Variants in CSMD1 observed in about 807,000 individuals in gnomAD.
CSMD1 encodes the protein CUB and Sushi multiple domains 1, also known as CUB and sushi domain-containing protein 1.
A neutral mutation model predicts 417.5 loss-of-function variants in CSMD1; 213 were observed. The observed-to-expected ratio is 0.51, with a 90% CI of 0.46 to 0.57. The LOEUF (loss-of-function observed/expected upper bound fraction) is 0.57. CSMD1 is among the 20% of genes least tolerant of loss of function. The probability of loss-of-function intolerance (pLI) is 0.00; values close to 1 mark genes in which losing one functional copy is unlikely to be tolerated. For missense variants in CSMD1, 6,923 were observed against 4,529.7 expected, an observed-to-expected ratio of 1.53 and a Z score of -15.17; for synonymous variants, 2,862 against 1,736.8, an observed-to-expected ratio of 1.65 and a Z score of -16.11.
At chr8:4,444,240 G>A (rs988564056) in intron 2 of CSMD1, among the ~76,000 whole-genome samples, 76 of 151,108 alleles carry the variant, frequency 5.0e-4, no homozygotes, top group African/African-American at 1.4e-3. Context: ...TACTCGGGAG[G>A]CTGAGGCAGG....
intron 10 of CSMD1, among the ~76,000 whole-genome samples, chr8:3,567,466 A>G (rs62475838): frequency 0.15 from 22,147 of 150,930 alleles, 1,970 homozygotes; most frequent in Non-Finnish European, 0.2. Context: ...GAAGACATAA[A>G]AAGTAAATAA....
At chr8:4,428,734 T>G (rs1797702735) in intron 2 of CSMD1, among the ~76,000 whole-genome samples, 1 of 152,146 alleles carries the variant, frequency 6.6e-6, no homozygotes, top group African/African-American at 2.4e-5. Flanking sequence ...TTTATTTATT[T>G]ATTGAGAAGG....
chr8:2,960,172 C>A (rs575435626), intron 62 of CSMD1, among the ~76,000 whole-genome samples: 19 of 152,300 alleles, frequency 1.2e-4, no homozygotes, highest in Admixed American at 1.1e-3. Context: ...TATTCCTTGA[C>A]AATTTGGCAT....
chr8:3,495,579 G>A (rs1321746567), intron 10 of CSMD1, among the ~76,000 whole-genome samples: 1 of 152,204 alleles, frequency 6.6e-6, no homozygotes, highest in Non-Finnish European at 1.5e-5. Flanking sequence ...CGCTGCTGAT[G>A]CTCAGTAAAA....
chr8:4,160,014 C>T (rs191021316), intron 3 of CSMD1, among the ~76,000 whole-genome samples: 4 of 151,260 alleles, frequency 2.6e-5, no homozygotes, highest in Admixed American at 2.6e-4. Flanking sequence ...GATGGGTGCA[C>T]CAAAATTTCA....
intron 3 of CSMD1, among the ~76,000 whole-genome samples, chr8:4,106,643 G>A (rs550585587): frequency 6.6e-6 from 1 of 152,298 alleles, no homozygotes; most frequent in South Asian, 2.1e-4. Context: ...ATGTGATGTT[G>A]ATAGGTATTC....
intron 65 of CSMD1, among the ~76,000 whole-genome samples, chr8:2,953,544 AAAC>A (rs758422408): frequency 3.9e-5 from 6 of 152,124 alleles, no homozygotes; most frequent in Non-Finnish European, 7.4e-5. Context: ...GTTTCTGATA[AAAC>A]AACAACAAAA....
At chr8:4,292,668 G>A (rs1360593859) in intron 3 of CSMD1, among the ~76,000 whole-genome samples, 2 of 152,022 alleles carry the variant, frequency 1.3e-5, no homozygotes, top group East Asian at 3.9e-4. Context: ...TTCTATACAT[G>A]AAAATATTCA....
intron 54 of CSMD1, among the ~76,000 whole-genome samples, chr8:2,979,262 T>A (rs1805200537): frequency 6.6e-6 from 1 of 152,256 alleles, no homozygotes; most frequent in Non-Finnish European, 1.5e-5. Context: ...AAAATAATTT[T>A]GCTCTATGTA....
chr8:4,816,613 G>T, intron 1 of CSMD1, among the ~76,000 whole-genome samples: 1 of 152,072 alleles, frequency 6.6e-6, no homozygotes, highest in African/African-American at 2.4e-5. Flanking sequence ...GGAACCAGGC[G>T]AACCATGTGA....
intron 3 of CSMD1, among the ~76,000 whole-genome samples, chr8:4,237,743 G>A (rs182585255): frequency 6.6e-6 from 1 of 152,050 alleles, no homozygotes; most frequent in Non-Finnish European, 1.5e-5. Context: ...AAATTCTTGG[G>A]CTCAAGTGAT....
chr8:3,700,444 CA>C (rs1158560402), intron 7 of CSMD1: 1 of 152,130 alleles, frequency 6.6e-6, no homozygotes, highest in African/African-American at 2.4e-5. Context: ...TTAAAAAACA[CA>C]AAAACAGAGC....
chr8:4,172,144 A>G (rs1202217286), intron 3 of CSMD1, among the ~76,000 whole-genome samples: 1 of 152,200 alleles, frequency 6.6e-6, no homozygotes. Flanking sequence ...CTAAAATTTG[A>G]AAAGATGGAC....
chr8:4,248,740 C>T, intron 3 of CSMD1, among the ~76,000 whole-genome samples: 1 of 152,146 alleles, frequency 6.6e-6, no homozygotes, highest in Middle Eastern at 3.2e-3. Context: ...TATCAACTGA[C>T]ATTACATTAC....
chr8:4,666,852 G>C (rs1193518652), intron 1 of CSMD1, among the ~76,000 whole-genome samples: 1 of 151,720 alleles, frequency 6.6e-6, no homozygotes, highest in African/African-American at 2.4e-5. Context: ...TTATAATTTT[G>C]ATGAAGTCTG....
Position 4,589,002 on chromosome 8 carries a change from C to T in CSMD1, c.302+48340G>A, listed in dbSNP as rs540075151. On this transcript the variant is annotated intron_variant, in intron 2 of 69. Transcript: ENST00000635120. ...ATATATAATATACATTATATAAACA[C>T]GTTATGTATACATTATACAACGTGT... 2.0e-4 allele frequency among the ~76,000 whole-genome samples: 30 copies of T among 151,946 alleles called. No homozygotes were observed. In the South Asian group the frequency reaches 4.8e-3, roughly 24 times the overall value.
chr8:4,165,464 G>A (rs192943455), intron 3 of CSMD1, among the ~76,000 whole-genome samples: 2 of 152,180 alleles, frequency 1.3e-5, no homozygotes, highest in African/African-American at 2.4e-5. Context: ...TGAGTGCAAT[G>A]GCAGTCATTG....
At chr8:4,181,155 T>G (rs1477026367) in intron 3 of CSMD1, among the ~76,000 whole-genome samples, 2 of 152,152 alleles carry the variant, frequency 1.3e-5, no homozygotes, top group African/African-American at 2.4e-5. Context: ...TTTGGTGTAT[T>G]TGCTTTAAAA....
At position 4,579,679 on chromosome 8, in the gene CSMD1, G is replaced by C. The variant is rs1054139089; in HGVS notation, c.302+57663C>G. Among the ~76,000 whole-genome samples the C allele has an allele frequency of 9.2e-5, 14 of 152,024 alleles. No individual in the cohort carries two copies. The East Asian group carries it at 2.7e-3, about 29-fold the overall frequency. On this transcript the variant is annotated intron_variant, in intron 2 of 69. Coordinates refer to ENST00000635120, the MANE Select transcript of CSMD1 (RefSeq NM_033225.6). Reference sequence around the variant, plus strand: ...GCCCGGCCTTAAACCTATATTTTAAGGATACTTCTGAAGCAAAATATTCTG... The same window carrying C: ...GCCCGGCCTTAAACCTATATTTTAACGATACTTCTGAAGCAAAATATTCTG...
Sources: gnomAD v4.1 joint callset for allele counts (sites outside exome capture counted in the v4.1 genomes callset) on GRCh38, gnomAD v4.1.1 for gene constraint, MANE v1.5 for transcripts, NCBI Gene and HGNC (gene_info 2026-07-23, HGNC 2026-07-21) for gene names.